LRRC47: variants seen among roughly 807,000 people sequenced by gnomAD.
The protein encoded by LRRC47 is leucine rich repeat containing 47.
In LRRC47, 31 loss-of-function variants were observed where a neutral mutation model predicts 40.9. That is an observed-to-expected ratio of 0.76 (90% CI 0.57 to 1.02). LRRC47 has a LOEUF of 1.02. Among genes scored for constraint, LRRC47 ranks in the 50% least tolerant of loss-of-function variants. LRRC47 has a pLI of 0.00. For missense variants in LRRC47, 726 were observed against 796.1 expected, an observed-to-expected ratio of 0.91 and a Z score of 1.06; for synonymous variants, 427 against 371.9, an observed-to-expected ratio of 1.15 and a Z score of -1.70.
Position 3,779,897 on chromosome 1 carries a change from C to T in LRRC47, c.*1191G>A, listed in dbSNP as rs555823667. 6.6e-6 allele frequency: 1 copy of T among 152,306 alleles called. No individual in the cohort carries two copies. Among genetic ancestry groups the T allele is most frequent in the South Asian group, 2.1e-4 (1 of 4,820 alleles). The allele number at this position is 152,306 out of a possible 1,614,324, so 9.4% of individuals were successfully genotyped here. On this transcript the variant is annotated 3_prime_UTR_variant, in exon 7 of 7. Coordinates refer to ENST00000378251, the MANE Select transcript of LRRC47 (RefSeq NM_020710.3). ...GAAGGGGTCTCCACATCTCCACCCCCACAAAGCAATCCAACAGCAGTATGA... is the reference window on the plus strand; with the variant it reads ...GAAGGGGTCTCCACATCTCCACCCCTACAAAGCAATCCAACAGCAGTATGA...
chr1:3,793,928 G>A (rs1199002117), intron 1 of LRRC47, among the ~76,000 whole-genome samples: 4 of 152,128 alleles, frequency 2.6e-5, no homozygotes, highest in Non-Finnish European at 5.9e-5. Flanking sequence ...CGGGCGCGGT[G>A]GCTCATGCCT....
Position 3,786,961 on chromosome 1 carries a change from G to A in LRRC47, c.965C>T (p.Thr322Ile), listed in dbSNP as rs1643581287. 8 of 1,610,878 alleles carry A rather than the reference G, an allele frequency of 5.0e-6. No homozygotes were observed. Among genetic ancestry groups the A allele is most frequent in the South Asian group, 1.1e-5 (1 of 90,478 alleles). Reference protein sequence around the residue: ...LHVSENPVPLTVRVSPEVRDV... With the variant: ...LHVSENPVPLIVRVSPEVRDV... ...CCGGACCTCGGGGCTCACTCTGACT[G>A]TCAGAGGTACGGGGTTTTCAGAGAC... is the stretch of plus-strand genomic sequence containing the variant. The change falls in exon 2 of 7, where the codon ACA (threonine) becomes ATA (isoleucine). Residue 322 changes from threonine (T) to isoleucine (I), a missense_variant. Coordinates refer to ENST00000378251, the MANE Select transcript of LRRC47 (RefSeq NM_020710.3).
rs1276757870 is a variant in LRRC47, at chr1:3,796,135, C to T, written c.342G>A (p.Leu114=). ...LDLSGNALEA[L]PPGQGLGPAE... Reference sequence around the variant, plus strand: ...CGGGGCCCAGGCCTTGGCCCGGCGGCAGCGCCTCCAGCGCGTTGCCCGACA... The same window carrying T: ...CGGGGCCCAGGCCTTGGCCCGGCGGTAGCGCCTCCAGCGCGTTGCCCGACA... Residue 114 remains leucine, a synonymous_variant, in exon 1 of 7, where the codon CTG becomes CTA. Transcript: ENST00000378251. 1.4e-6 allele frequency: 2 copies of T among 1,429,988 alleles called. No individual in the cohort carries two copies. Among genetic ancestry groups the T allele is most frequent in the African/African-American group, 1.5e-5 (1 of 66,600 alleles). 88.6% of individuals were successfully genotyped at this position (1,429,988 alleles called of 1,614,324 possible).
At position 3,786,903 on chromosome 1, in the gene LRRC47, C is replaced by T. The variant is rs766227328; in HGVS notation, c.1023G>A (p.Val341=). The change falls in exon 2 of 7, where the codon GTG becomes GTA. Residue 341 remains valine (V), a synonymous_variant. Transcript: ENST00000378251. ...TCCCTGGCTGCAGGTCCATGCCTCG[C>T]ACCACGGCCCCCACAATGTAGGGCC... ...DVRPYIVGAV[V]RGMDLQPGNA... is the part of the protein sequence containing the mutation. The T allele has an allele frequency of 1.5e-5, 24 of 1,606,406 alleles. No individual in the cohort carries two copies. The highest frequency in any genetic ancestry group is 4.0e-5 in the African/African-American group (3 of 74,850).
At chr1:3,786,400 T>C (rs1415483464) in intron 2 of LRRC47, among the ~76,000 whole-genome samples, 1 of 151,888 alleles carries the variant, frequency 6.6e-6, no homozygotes, top group Non-Finnish European at 1.5e-5. Context: ...CTCAGCAGGC[T>C]GAGGCAGGAG....
rs1643667782 is a variant in LRRC47 at position 3,795,804 on chromosome 1, C to T, written c.615+58G>A. On this transcript the variant is annotated intron_variant, in intron 1 of 6. Transcript: ENST00000378251. ...GAACTGCTCGGCCCCGAGAGGGGTT[C>T]CTTCTCCAGGGCTACTCCAAGGCCC... 3.4e-6 allele frequency: 5 copies of T among 1,456,002 alleles called. No homozygotes were observed. The Admixed American group carries it at 1.0e-4, about 30-fold the overall frequency. 90.2% of individuals were successfully genotyped at this position (1,456,002 alleles called of 1,614,324 possible). A position where few individuals can be genotyped will look rare whatever the true frequency, so the allele number is the denominator to read the frequency against.
At position 3,779,329 on chromosome 1, in the gene LRRC47, C is replaced by T. The variant is rs1439575349; in HGVS notation, c.*1759G>A. The T allele has an allele frequency of 2.0e-5, 3 of 152,260 alleles. No individual in the cohort carries two copies. Among genetic ancestry groups the T allele is most frequent in the Admixed American group, 6.5e-5 (1 of 15,278 alleles). 9.4% of individuals were successfully genotyped at this position (152,260 alleles called of 1,614,324 possible). A position where few individuals can be genotyped will look rare whatever the true frequency, so the allele number is the denominator to read the frequency against. On this transcript the variant is annotated 3_prime_UTR_variant, in exon 7 of 7. Transcript: ENST00000378251. Reference sequence around the variant, plus strand: ...TGCTTCCCAAAATCACCAGTCATTTCTACAGACACAGAAATCGAGACACTG... The same window carrying T: ...TGCTTCCCAAAATCACCAGTCATTTTTACAGACACAGAAATCGAGACACTG...
intron 5 of LRRC47, 37 bp downstream of exon 5, chr1:3,782,624 T>C: frequency 8.3e-7 from 1 of 1,199,542 alleles, no homozygotes; most frequent in South Asian, 1.2e-5. Flanking sequence ...GGGAACAGCC[T>C]AGAAGACACA....
intron 4 of LRRC47, among the ~76,000 whole-genome samples, chr1:3,783,550 T>C (rs887254441): frequency 6.6e-6 from 1 of 152,138 alleles, no homozygotes; most frequent in Non-Finnish European, 1.5e-5. Context: ...GAACAAAGTA[T>C]TCTGAAGCCT....
In LRRC47 at chr1:3,779,415, A is replaced by G. The variant is rs1643497285; in HGVS notation, c.*1673T>C. ...TGAGTCTGCTTCTCACATGGCACCC[A>G]GATCGTAAGGCAGTGGGGTCTGTAA... On this transcript the variant is annotated 3_prime_UTR_variant, in exon 7 of 7. Coordinates refer to ENST00000378251, the MANE Select transcript of LRRC47 (RefSeq NM_020710.3). 1 of 152,238 alleles carries G rather than the reference A, an allele frequency of 6.6e-6. No individual in the cohort carries two copies. The highest frequency in any genetic ancestry group is 2.1e-4 in the South Asian group (1 of 4,826). The allele number at this position is 152,238 out of a possible 1,614,324, so 9.4% of individuals were successfully genotyped here. A position where few individuals can be genotyped will look rare whatever the true frequency, so the allele number is the denominator to read the frequency against.
At chr1:3,783,452 C>G (rs548007413) in intron 4 of LRRC47, among the ~76,000 whole-genome samples, 34 of 144,024 alleles carry the variant, frequency 2.4e-4, no homozygotes, top group African/African-American at 7.8e-4. Flanking sequence ...CACCTGAAAA[C>G]ATACCTAAAG....
chr1:3,783,488 C>A lies in LRRC47; in HGVS notation c.1310+508G>T, dbSNP rs190798851. Among the ~76,000 whole-genome samples the A allele has an allele frequency of 4.6e-5, 7 of 151,286 alleles. No homozygotes were observed. In the East Asian group the frequency reaches 1.4e-3, roughly 29 times the overall value. ...GGTAAAATGGACGACTCAAAAAGTTCTTTACACAAATTAAGTGTAATATCA... is the reference window on the plus strand; with the variant it reads ...GGTAAAATGGACGACTCAAAAAGTTATTTACACAAATTAAGTGTAATATCA... On this transcript the variant is annotated intron_variant, in intron 4 of 6. Transcript: ENST00000378251.
rs756461600 is a variant in LRRC47 at position 3,786,920 on chromosome 1, T to C, written c.1006A>G (p.Ile336Val). 45 of 1,607,466 alleles carry C rather than the reference T, an allele frequency of 2.8e-5. No individual in the cohort carries two copies. The highest frequency in any genetic ancestry group is 1.5e-4 in the Admixed American group (9 of 59,350). Residue 336 changes from isoleucine to valine, a missense_variant, in exon 2 of 7, where the codon ATT becomes GTT. By Grantham distance (29) the Ile-to-Val change is conservative. Transcript: ENST00000378251. ...SPEVRDVRPY[I>V]VGAVVRGMDL... Reference sequence around the variant, plus strand: ...ATGCCTCGCACCACGGCCCCCACAATGTAGGGCCGCACATCCCGGACCTCG... The same window carrying C: ...ATGCCTCGCACCACGGCCCCCACAACGTAGGGCCGCACATCCCGGACCTCG...
chr1:3,796,316 T>C lies in LRRC47; in HGVS notation c.161A>G (p.Tyr54Cys). Residue 54 changes from tyrosine (Y) to cysteine (C), a missense_variant, in exon 1 of 7, where the codon TAC becomes TGC. Physicochemically the swap from Tyr to Cys is radical, Grantham distance 194. Transcript: ENST00000378251. ...PRLFTLPLLH[Y>C]LEVSGCGSLR... ...GCTCCCGCAGCCGCTCACTTCCAAG[T>C]AGTGCAGCAGCGGCAGGGTGAAAAG... is the stretch of plus-strand genomic sequence containing the variant. The C allele has an allele frequency of 2.0e-6, 3 of 1,503,888 alleles. No homozygotes were observed. The highest frequency in any genetic ancestry group is 1.5e-5 in the African/African-American group (1 of 68,964). 93.2% of individuals were successfully genotyped at this position (1,503,888 alleles called of 1,614,324 possible).
chr1:3,782,462 T>C (rs942523119), intron 5 of LRRC47, among the ~76,000 whole-genome samples, 199 bp downstream of exon 5: 2 of 152,108 alleles, frequency 1.3e-5, no homozygotes, highest in Non-Finnish European at 2.9e-5. Flanking sequence ...GCCCGGCGAA[T>C]TTTGTATTTT....
In LRRC47 at chr1:3,784,023, T is replaced by C; in HGVS notation, c.1283A>G (p.Lys428Arg). 3 of 1,610,920 alleles carry C rather than the reference T, an allele frequency of 1.9e-6. No individual in the cohort carries two copies. Among genetic ancestry groups the C allele is most frequent in the Middle Eastern group, 3.3e-4 (2 of 6,054 alleles). The change falls in exon 4 of 7, where the codon AAG becomes AGG. Residue 428 changes from lysine (K) to arginine (R), a missense_variant. Coordinates refer to ENST00000378251, the MANE Select transcript of LRRC47 (RefSeq NM_020710.3). ...LEAEEQRKQK[K>R]RQSVSGLHRY... ...GTGCAGGCCCGACACACTCTGCCGC[T>C]TCTTCTGCTTCCTCTGCTCCTCGGC...
chr1:3,787,250 T>C lies in LRRC47; in HGVS notation c.676A>G (p.Lys226Glu). ...CCACGGAAATTGATCTCCTTGAGCT[T>C]GGGGCAGTCCGCAAGCTCTGCAGGG... ...EIPAELADCPKLKEINFRGNK... is the reference protein window; with the variant it reads ...EIPAELADCPELKEINFRGNK... The change falls in exon 2 of 7, where the codon AAG becomes GAG. Residue 226 changes from lysine (K) to glutamate (E), a missense_variant. Coordinates refer to ENST00000378251, the MANE Select transcript of LRRC47 (RefSeq NM_020710.3). 6.2e-7 allele frequency: 1 copy of C among 1,613,546 alleles called. No individual in the cohort carries two copies.
chr1:3,783,648 C>T (rs1208009764), intron 4 of LRRC47: 16 of 222,022 alleles, frequency 7.2e-5, no homozygotes, highest in East Asian at 1.0e-4. Flanking sequence ...TACCCAACAG[C>T]GCACGGTATG....
intron 5 of LRRC47, 127 bp from the exon 6 acceptor site, chr1:3,781,728 C>A (rs994976013): frequency 1.3e-6 from 1 of 758,424 alleles, no homozygotes; most frequent in Non-Finnish European, 2.2e-6. Context: ...ACCTGTAAAT[C>A]CAGCACTTTG....
Sources: allele counts gnomAD v4.1 joint callset (sites outside exome capture counted in the v4.1 genomes callset), GRCh38; gene constraint gnomAD v4.1.1; transcripts MANE v1.5; gene names NCBI Gene and HGNC (gene_info 2026-07-23, HGNC 2026-07-21).